The following CCDC7 variants were observed in gnomAD, a reference collection of about 807,000 sequenced individuals.
CCDC7 encodes the protein coiled-coil domain containing 7.
A neutral mutation model predicts 196.9 loss-of-function variants in CCDC7; 183 were observed. That is an observed-to-expected ratio of 0.93 (90% CI 0.82 to 1.05). The LOEUF is 1.05. Ranked by LOEUF, CCDC7 falls within the 50% of genes least tolerant of loss-of-function variation. The pLI is 0.00. For synonymous variants in CCDC7, 525 were observed against 484.6 expected (o/e 1.08, Z -1.10); for missense variants, 1,540 against 1,482.2 (o/e 1.04, Z -0.64).
intron 41 of CCDC7, among the ~76,000 whole-genome samples, chr10:32,875,153 ATTTACT>A (rs2094562729): frequency 6.6e-6 from 1 of 151,786 alleles, no homozygotes; most frequent in African/African-American, 2.4e-5. Context: ...TAGTCTATGT[ATTTACT>A]TTTATACCAG....
At chr10:32,531,872 ATT>A (rs2049724464) in intron 11 of CCDC7, among the ~76,000 whole-genome samples, 1 of 152,174 alleles carries the variant, frequency 6.6e-6, no homozygotes, top group East Asian at 1.9e-4. Context: ...AATTCTTTGT[ATT>A]CTGAGGTCTC....
At chr10:32,516,692 G>A (rs2135486445) in intron 9 of CCDC7, among the ~76,000 whole-genome samples, 1 of 152,350 alleles carries the variant, frequency 6.6e-6, no homozygotes, top group Non-Finnish European at 1.5e-5. Context: ...TGGCAAGTAT[G>A]TAGAGAGATT....
chr10:32,490,190 C>A (rs941415218), intron 8 of CCDC7, among the ~76,000 whole-genome samples: 1 of 152,138 alleles, frequency 6.6e-6, no homozygotes, highest in African/African-American at 2.4e-5. Flanking sequence ...TTTTGCTTTA[C>A]TATCTTGCTG....
chr10:32,552,848 A>G (rs924132454), intron 13 of CCDC7, among the ~76,000 whole-genome samples: 6 of 152,106 alleles, frequency 3.9e-5, no homozygotes, highest in African/African-American at 1.4e-4. Flanking sequence ...CACAGCTCTT[A>G]AGATTCTTTC....
intron 18 of CCDC7, among the ~76,000 whole-genome samples, chr10:32,609,923 G>A (rs1280680281): frequency 1.3e-5 from 2 of 152,180 alleles, no homozygotes; most frequent in African/African-American, 4.8e-5. Flanking sequence ...GTGAGCAATG[G>A]CTGAGTAGTG....
intron 28 of CCDC7, among the ~76,000 whole-genome samples, chr10:32,774,213 A>C (rs73255962): frequency 2.0e-5 from 3 of 151,894 alleles, no homozygotes; most frequent in African/African-American, 7.3e-5. Context: ...ACTTTACTCA[A>C]TGTGGTATCT....
intron 30 of CCDC7, among the ~76,000 whole-genome samples, chr10:32,813,652 G>C (rs2087672846): frequency 6.6e-6 from 1 of 152,132 alleles, no homozygotes; most frequent in Non-Finnish European, 1.5e-5. Flanking sequence ...ATACCTACAG[G>C]TTGGGTATAT....
At position 32,866,469 on chromosome 10, in the gene CCDC7, A is replaced by T. The variant is rs529643202; in HGVS notation, c.4112-9878A>T. On this transcript the variant is annotated intron_variant, in intron 41 of 41. Coordinates refer to ENST00000639629, the Ensembl canonical transcript of CCDC7. ...GTTTTTTTAATGTGAACAATTTATT[A>T]AAAAAGACAAAACAGGCTGTGAAAA... 6.6e-5 allele frequency among the ~76,000 whole-genome samples: 10 copies of T among 151,910 alleles called. No individual in the cohort carries two copies. In the South Asian group the frequency reaches 1.4e-3, roughly 22 times the overall value.
At chr10:32,561,708 A>C (rs1394150761) in intron 13 of CCDC7, among the ~76,000 whole-genome samples, 128 of 143,840 alleles carry the variant, frequency 8.9e-4, no homozygotes, top group South Asian at 2.0e-3. Context: ...GGAAAGATCT[A>C]AAATGGACAC....
At chr10:32,518,374 A>G in intron 10 of CCDC7, 42 bp from the exon 12 acceptor site, 1 of 1,522,954 alleles carries the variant, frequency 6.6e-7, no homozygotes, top group East Asian at 2.4e-5. Context: ...TTCTACATTG[A>G]GAGTTTTACT....
At chr10:32,863,626 G>C (rs2094090390) in intron 41 of CCDC7, among the ~76,000 whole-genome samples, 1 of 151,860 alleles carries the variant, frequency 6.6e-6, no homozygotes, top group African/African-American at 2.4e-5. Context: ...AAGGACTCCA[G>C]GACTCCAGGT....
At chr10:32,467,404 G>A (rs1358702270) in intron 5 of CCDC7, among the ~76,000 whole-genome samples, 1 of 151,552 alleles carries the variant, frequency 6.6e-6, no homozygotes, top group African/African-American at 2.4e-5. Flanking sequence ...GAGCCACTGC[G>A]CCCGGCCTTG....
At chr10:32,688,946 T>G in intron 22 of CCDC7, 107 bp from the exon 24 acceptor site, 1 of 712,226 alleles carries the variant, frequency 1.4e-6, no homozygotes, top group Non-Finnish European at 2.4e-6. Flanking sequence ...ATTCATAACT[T>G]TACAAAAATG....
chr10:32,612,907 G>T (rs1240447877), intron 18 of CCDC7, among the ~76,000 whole-genome samples: 2 of 151,676 alleles, frequency 1.3e-5, no homozygotes, highest in Non-Finnish European at 2.9e-5. Flanking sequence ...GTCTCTGCCA[G>T]GTTTTGGTAC....
chr10:32,846,851 C>A (rs2093318245), intron 37 of CCDC7, among the ~76,000 whole-genome samples: 1 of 152,180 alleles, frequency 6.6e-6, no homozygotes, highest in African/African-American at 2.4e-5. Context: ...AATTATTTCA[C>A]TGGTTATCCA....
chr10:32,534,951 T>C (rs192881977), intron 11 of CCDC7, among the ~76,000 whole-genome samples: 89 of 151,708 alleles, frequency 5.9e-4, no homozygotes, highest in Admixed American at 2.7e-3. Context: ...CCAGCATTGG[T>C]GGGAAAGCTG....
intron 13 of CCDC7, among the ~76,000 whole-genome samples, chr10:32,560,949 G>T (rs183441606): frequency 6.6e-6 from 1 of 151,780 alleles, no homozygotes; most frequent in African/African-American, 2.4e-5. Context: ...AGACACACAG[G>T]CTCAAAATAA....
At chr10:32,567,964 C>T in intron 15 of CCDC7, 73 bp downstream of exon 16, 7 of 1,187,606 alleles carry the variant, frequency 5.9e-6, no homozygotes, top group South Asian at 3.8e-5. Context: ...TTATTTACTT[C>T]ATTTGTATAT....
At chr10:32,650,746 G>C (rs2068606194) in intron 20 of CCDC7, among the ~76,000 whole-genome samples, 1 of 152,048 alleles carries the variant, frequency 6.6e-6, no homozygotes, top group Non-Finnish European at 1.5e-5. Flanking sequence ...GAGGGCTCTA[G>C]GGTCTGCTTG....
Sources: allele counts gnomAD v4.1 joint callset (sites outside exome capture counted in the v4.1 genomes callset), GRCh38; gene constraint gnomAD v4.1.1; transcripts MANE v1.5; gene names NCBI Gene and HGNC (gene_info 2026-07-23, HGNC 2026-07-21).